RIPOR2: variants seen among roughly 807,000 people sequenced by gnomAD.
The protein encoded by RIPOR2 is RHO family interacting cell polarization regulator 2.
RIPOR2 carries 39 observed loss-of-function variants against 114.5 expected under a neutral mutation model. The ratio of observed to expected loss-of-function variants is 0.34; its 90% CI spans 0.26 to 0.44. RIPOR2 has a LOEUF of 0.44. RIPOR2 is among the 20% of genes least tolerant of loss of function. The pLI is 1.00. For synonymous variants in RIPOR2, 445 were observed against 484.4 expected, an observed-to-expected ratio of 0.92 and a Z score of 1.07; for missense variants, 1,007 against 1,255.1, an observed-to-expected ratio of 0.80 and a Z score of 2.99.
At chr6:25,027,702 C>T (rs1776698871) in intron 1 of RIPOR2, among the ~76,000 whole-genome samples, 1 of 152,208 alleles carries the variant, frequency 6.6e-6, no homozygotes, top group Admixed American at 6.5e-5. Flanking sequence ...AATCCCTGAG[C>T]GACTTAGGTG....
upstream of RIPOR2, among the ~76,000 whole-genome samples, chr6:24,938,448 G>C (rs899667443): frequency 6.6e-6 from 1 of 152,186 alleles, no homozygotes; most frequent in Non-Finnish European, 1.5e-5. Flanking sequence ...CCAGTTTGTG[G>C]TACTTCATTA....
intron 1 of RIPOR2, among the ~76,000 whole-genome samples, chr6:24,951,659 T>G (rs148318548): frequency 0.012 from 1,842 of 152,332 alleles, 17 homozygotes; most frequent in Middle Eastern, 0.041. Flanking sequence ...AGGCACTTCA[T>G]AGGAACATTA....
At chr6:24,990,940 A>C (rs1045602880) in intron 1 of RIPOR2, among the ~76,000 whole-genome samples, 3 of 152,266 alleles carry the variant, frequency 2.0e-5, no homozygotes, top group African/African-American at 7.2e-5. Flanking sequence ...TAAAATATGC[A>C]TGCGCACTCA....
chr6:25,018,115 T>C (rs1776104327), intron 1 of RIPOR2, among the ~76,000 whole-genome samples: 1 of 152,224 alleles, frequency 6.6e-6, no homozygotes, highest in South Asian at 2.1e-4. Context: ...TCCTTGCTTA[T>C]TTCAAAGTCT....
intron 1 of RIPOR2, among the ~76,000 whole-genome samples, chr6:24,979,283 CTTTTTTT>C (rs60372040): frequency 8.0e-5 from 8 of 99,440 alleles, no homozygotes; most frequent in East Asian, 5.1e-4. Context: ...TAGGGAAATT[CTTTTTTT>C]TTTTTTTTTT....
chr6:25,023,762 TG>T, intron 1 of RIPOR2: 1 of 801,986 alleles, frequency 1.2e-6, no homozygotes, highest in Non-Finnish European at 2.2e-6. Context: ...GGAGGTCGGG[TG>T]GGTGGAGCCA....
intron 18 of RIPOR2, among the ~76,000 whole-genome samples, chr6:24,825,918 T>C (rs1313654721): frequency 2.1e-5 from 2 of 97,166 alleles, no homozygotes; most frequent in Non-Finnish European, 4.4e-5. Flanking sequence ...TTATTTAATG[T>C]TTTTCTCTTT....
chr6:24,844,766 C>T (rs946950342), intron 12 of RIPOR2, among the ~76,000 whole-genome samples: 6 of 152,084 alleles, frequency 3.9e-5, no homozygotes, highest in East Asian at 3.9e-4. Flanking sequence ...CGTGAGCCAC[C>T]GCGCCTGGCC....
chr6:25,004,390 C>G (rs1343803485), intron 1 of RIPOR2, among the ~76,000 whole-genome samples: 1 of 152,194 alleles, frequency 6.6e-6, no homozygotes, highest in Non-Finnish European at 1.5e-5. Flanking sequence ...ACTGCTTGGT[C>G]ACAGTGTAGC....
At chr6:24,820,616 A>T (rs1759599333) in intron 19 of RIPOR2, among the ~76,000 whole-genome samples, 1 of 152,158 alleles carries the variant, frequency 6.6e-6, no homozygotes, top group Non-Finnish European at 1.5e-5. Context: ...ATGAATTCAC[A>T]CAATATGTAG....
intron 1 of RIPOR2, among the ~76,000 whole-genome samples, chr6:25,016,827 T>G (rs1776027423): frequency 6.6e-6 from 1 of 152,240 alleles, no homozygotes; most frequent in Non-Finnish European, 1.5e-5. Context: ...AGTTCTGGGT[T>G]TCTAAAAATT....
chr6:24,832,117 G>T, intron 16 of RIPOR2, 139 bp downstream of exon 16: 1 of 841,126 alleles, frequency 1.2e-6, no homozygotes, highest in Non-Finnish European at 1.8e-6. Context: ...AGCCCAATTT[G>T]TTTGGAGACC....
At chr6:24,865,042 G>C (rs1452680444) in intron 7 of RIPOR2, among the ~76,000 whole-genome samples, 1 of 152,148 alleles carries the variant, frequency 6.6e-6, no homozygotes, top group African/African-American at 2.4e-5. Flanking sequence ...TGAACTCCTG[G>C]GCTCAAGCAA....
intron 1 of RIPOR2, among the ~76,000 whole-genome samples, chr6:25,038,350 A>T (rs75972458): frequency 1.3e-3 from 201 of 152,372 alleles, no homozygotes; most frequent in African/African-American, 4.7e-3. Context: ...ATGAGATTTT[A>T]CTTCTGTGAT....
At chr6:24,968,237 A>G (rs1202411548) in intron 1 of RIPOR2, among the ~76,000 whole-genome samples, 2 of 152,128 alleles carry the variant, frequency 1.3e-5, no homozygotes, top group African/African-American at 2.4e-5. Context: ...GTTAACTTTT[A>G]TATGTTGCAC....
chr6:24,819,924 C>T (rs1167292631), intron 19 of RIPOR2, among the ~76,000 whole-genome samples: 1 of 152,076 alleles, frequency 6.6e-6, no homozygotes, highest in Admixed American at 6.6e-5. Context: ...AACTTAATTA[C>T]TCTTGAAGAG....
intron 1 of RIPOR2, among the ~76,000 whole-genome samples, chr6:24,986,560 A>G (rs940157076): frequency 6.6e-6 from 1 of 152,260 alleles, no homozygotes; most frequent in Non-Finnish European, 1.5e-5. Context: ...AAACTGAAAT[A>G]TTGCTGTTTC....
intron 1 of RIPOR2, among the ~76,000 whole-genome samples, chr6:24,951,823 T>C (rs938283744): frequency 1.3e-5 from 2 of 152,290 alleles, no homozygotes; most frequent in South Asian, 4.1e-4. Flanking sequence ...GCAGCAATAT[T>C]TAGTTCTCCT....
rs186379470 is a variant in RIPOR2 at position 25,027,653 on chromosome 6, G to C, written c.76+14198C>G. On this transcript the variant is annotated intron_variant, in intron 1 of 13. Coordinates refer to the RIPOR2 transcript ENST00000510784. ...ACAGCCTTGGGCGCCCCCAGTGCTG[G>C]GGAGAAAGAGGGCCCCCCTCCCCTC... Among the ~76,000 whole-genome samples the C allele has an allele frequency of 4.6e-5, 7 of 152,332 alleles. No individual in the cohort carries two copies. In the East Asian group the frequency reaches 1.3e-3, roughly 29 times the overall value.
Sources: allele counts gnomAD v4.1 joint callset (sites outside exome capture counted in the v4.1 genomes callset), GRCh38; gene constraint gnomAD v4.1.1; transcripts MANE v1.5; gene names NCBI Gene and HGNC (gene_info 2026-07-23, HGNC 2026-07-21).